The following MYRF variants were observed in gnomAD, a reference collection of about 807,000 sequenced individuals.
MYRF encodes myelin gene regulatory factor.
A neutral mutation model predicts 126.3 loss-of-function variants in MYRF; 16 were observed. The observed-to-expected ratio is 0.13, with a 90% CI of 0.09 to 0.19. The LOEUF is 0.19. Ranked by LOEUF, MYRF falls within the 10% of genes least tolerant of loss-of-function variation. MYRF has a pLI of 1.00. For synonymous variants in MYRF, 608 were observed against 635.3 expected (o/e 0.96, Z 0.65); for missense variants, 1,104 against 1,547.0 (o/e 0.71, Z 4.80).
rs773528951 is a variant in MYRF, at chr11:61,778,360, G to C, written c.1904-20G>C. The C allele has an allele frequency of 6.5e-7, 1 of 1,535,338 alleles. No individual in the cohort carries two copies. The highest frequency in any genetic ancestry group is 1.1e-5 in the South Asian group (1 of 89,520). Reference sequence around the variant, plus strand: ...CTTTACCACCCCCCCACCCATCTTTGGCTTGTCCCCTGCCCCCAGGTGTCA... The same window carrying C: ...CTTTACCACCCCCCCACCCATCTTTCGCTTGTCCCCTGCCCCCAGGTGTCA... On this transcript the variant is annotated intron_variant, in intron 13 of 26. Transcript: ENST00000278836. This position sits in a 1 kb window ranked among gnomAD's most constrained non-coding sequence, Gnocchi z 4.6.
chr11:61,776,977 C>T lies in MYRF; in HGVS notation c.1590+100C>T. 1.9e-6 allele frequency: 2 copies of T among 1,058,442 alleles called. No individual in the cohort carries two copies. The highest frequency in any genetic ancestry group is 1.4e-6 in the Non-Finnish European group (1 of 736,126). The allele number at this position is 1,058,442 out of a possible 1,614,324, so 65.6% of individuals were successfully genotyped here. A position where few individuals can be genotyped will look rare whatever the true frequency, so the allele number is the denominator to read the frequency against. ...GTACTGAGAGTCAGGAGTGGGCATG[C>T]TCATCCTGCTAGGCACTGGCTGTGT... On this transcript the variant is annotated intron_variant, in intron 11 of 26. Coordinates refer to ENST00000278836, the MANE Select transcript of MYRF (RefSeq NM_001127392.3). The surrounding 1 kb of genome is among the most constrained non-coding windows in gnomAD (Gnocchi z 4.3).
At chr11:61,763,164 G>C (rs1022965249) in intron 1 of MYRF, among the ~76,000 whole-genome samples, 3 of 152,200 alleles carry the variant, frequency 2.0e-5, no homozygotes, top group African/African-American at 7.2e-5. Flanking sequence ...TCCAGGTGGG[G>C]TGGGGAAGGC....
Position 61,770,353 on chromosome 11 carries a change from C to T in MYRF, c.568C>T (p.Pro190Ser). The change falls in exon 5 of 27, where the codon CCA becomes TCA. Residue 190 changes from proline (P) to serine (S), a missense_variant. This residue lies in a region of MYRF where 368 missense variants were observed against 403.9 expected (regional missense o/e 0.91). Transcript: ENST00000278836. ...PPPAHLPGPP[P>S]PPPPPPHYPV... is the part of the protein sequence containing the mutation. ...TCCAGCCCACTTGCCAGGCCCCCCGCCACCCCCACCACCCCCACCTCACTA... is the reference window on the plus strand; with the variant it reads ...TCCAGCCCACTTGCCAGGCCCCCCGTCACCCCCACCACCCCCACCTCACTA... 1 of 1,466,894 alleles carries T rather than the reference C, an allele frequency of 6.8e-7. No individual in the cohort carries two copies. The highest frequency in any genetic ancestry group is 9.3e-7 in the Non-Finnish European group (1 of 1,075,920). The allele number at this position is 1,466,894 out of a possible 1,614,324, so 90.9% of individuals were successfully genotyped here.
chr11:61,769,705 C>T (rs1031827501), intron 4 of MYRF, among the ~76,000 whole-genome samples: 6 of 152,156 alleles, frequency 3.9e-5, no homozygotes, highest in African/African-American at 1.4e-4. Flanking sequence ...GCAGAACCAC[C>T]GCGGGAGCAG....
chr11:61,773,349 C>T (rs2066278690), intron 7 of MYRF, among the ~76,000 whole-genome samples: 1 of 152,154 alleles, frequency 6.6e-6, no homozygotes, highest in Non-Finnish European at 1.5e-5. Context: ...GGACACTAAA[C>T]CCAGCAACAG....
At position 61,765,687 on chromosome 11, in the gene MYRF, A is replaced by G. The variant is rs2066035054; in HGVS notation, c.109A>G (p.Ile37Val). 2 of 1,612,748 alleles carry G rather than the reference A, an allele frequency of 1.2e-6. No individual in the cohort carries two copies. Residue 37 changes from isoleucine (I) to valine (V), a missense_variant, in exon 2 of 27, where the codon ATC (isoleucine) becomes GTC (valine). Physicochemically the swap from Ile to Val is conservative, Grantham distance 29. Around this residue, in one of 10 missense-constraint regions of MYRF, gnomAD observed 368 missense variants for 403.9 expected, o/e 0.91. Coordinates refer to ENST00000278836, the MANE Select transcript of MYRF (RefSeq NM_001127392.3). The part of the protein sequence containing the change: ...NIDTSILEEY[I>V]SKEDASDLCF... ...AGACACCAGCATCCTGGAGGAGTAC[A>G]TCAGCAAGGAGGATGCCTCCGACCT...
Position 61,780,259 on chromosome 11 carries a change from C to T in MYRF, c.2374C>T (p.Arg792Cys), listed in dbSNP as rs150031578. 3.8e-5 allele frequency: 61 copies of T among 1,613,706 alleles called. No individual in the cohort carries two copies. Among genetic ancestry groups the T allele is most frequent in the Admixed American group, 8.3e-5 (5 of 59,956 alleles). ...GTCCACACTGTACGTGCTGAGCCTG[C>T]GCACAGAGGAGGACCTGGTAGACAC... is the stretch of plus-strand genomic sequence containing the variant. Reference protein sequence around the residue: ...SMSTLYVLSLRTEEDLVDTDG... With the variant: ...SMSTLYVLSLCTEEDLVDTDG... The change falls in exon 18 of 27, where the codon CGC (arginine) becomes TGC (cysteine). Residue 792 changes from arginine to cysteine, a missense_variant. Around this residue, in one of 10 missense-constraint regions of MYRF, gnomAD observed 323 missense variants for 383.1 expected, o/e 0.84. Coordinates refer to ENST00000278836, the MANE Select transcript of MYRF (RefSeq NM_001127392.3).
intron 8 of MYRF, among the ~76,000 whole-genome samples, chr11:61,774,479 C>T (rs1433182325): frequency 5.3e-5 from 8 of 150,288 alleles, no homozygotes; most frequent in East Asian, 1.9e-4. Context: ...GCTGAGATCA[C>T]GCCACTGCAC....
chr11:61,760,560 C>T (rs550349324), intron 1 of MYRF, among the ~76,000 whole-genome samples: 7 of 152,140 alleles, frequency 4.6e-5, no homozygotes, highest in African/African-American at 7.2e-5. Context: ...GGATGTCCCT[C>T]GGAGGCTCTG....
At chr11:61,756,311 G>A (rs1186368822) in intron 1 of MYRF, among the ~76,000 whole-genome samples, 1 of 152,114 alleles carries the variant, frequency 6.6e-6, no homozygotes, top group Non-Finnish European at 1.5e-5. Context: ...TGGGGTTGAG[G>A]GGGCTACCTG....
intron 16 of MYRF, 109 bp from the exon 17 acceptor site, chr11:61,779,732 CG>C: frequency 8.2e-7 from 1 of 1,224,680 alleles, no homozygotes; most frequent in Non-Finnish European, 1.1e-6. Flanking sequence ...CCTTTGCCCC[CG>C]GGGAAATGGG....
intron 3 of MYRF, chr11:61,766,779 C>G (rs1317381140): frequency 3.0e-6 from 1 of 332,078 alleles, no homozygotes; most frequent in Non-Finnish European, 5.9e-6. Context: ...ACCAAAGGTT[C>G]CAGGCAGCCA....
Position 61,770,441 on chromosome 11 carries a change from T to C in MYRF, c.656T>C (p.Met219Thr). 1 of 1,548,982 alleles carries C rather than the reference T, an allele frequency of 6.5e-7. No homozygotes were observed. Among genetic ancestry groups the C allele is most frequent in the African/African-American group, 1.4e-5 (1 of 72,782 alleles). ...CCCCCGATCCCCCACTACGCTGCCA[T>C]GGGGCAGGGGCTGGTGCCCACTGAT... ...AEPPIPHYAA[M>T]GQGLVPTDLH... The change falls in exon 5 of 27, where the codon ATG becomes ACG. Residue 219 changes from methionine to threonine, a missense_variant. Coordinates refer to ENST00000278836, the MANE Select transcript of MYRF (RefSeq NM_001127392.3).
At chr11:61,763,148 C>T (rs995306812) in intron 1 of MYRF, among the ~76,000 whole-genome samples, 2 of 152,006 alleles carry the variant, frequency 1.3e-5, no homozygotes, top group African/African-American at 4.8e-5. Flanking sequence ...AGGGTGGGGG[C>T]GACGCTCCAG....
chr11:61,781,855 C>T (rs774013959), intron 22 of MYRF, 31 bp downstream of exon 22: 10 of 1,506,150 alleles, frequency 6.6e-6, no homozygotes, highest in African/African-American at 2.8e-5. Flanking sequence ...ACTACCCAGC[C>T]CAGCCTGGCA....
At chr11:61,753,141 TG>T (rs35831401) in intron 1 of MYRF, among the ~76,000 whole-genome samples, 3,908 of 152,104 alleles carry the variant, frequency 0.026, 167 homozygotes, top group African/African-American at 0.088. Context: ...CCCTCTACTT[TG>T]CTTCCCCAGA....
chr11:61,778,012 A>G lies in MYRF; in HGVS notation c.1903+167A>G, dbSNP rs1260177351. On this transcript the variant is annotated intron_variant, in intron 13 of 26. Transcript: ENST00000278836. The surrounding 1 kb of genome is among the most constrained non-coding windows in gnomAD (Gnocchi z 4.6). The stretch of plus-strand genomic sequence containing the variant: ...CGCCCCTCGGACCTTGGAAAATCGC[A>G]CCTCTCCAGGTCCCCGGAACCTCGC... Among the ~76,000 whole-genome samples, 1 of 151,774 alleles carries G rather than the reference A, an allele frequency of 6.6e-6. No homozygotes were observed. Among genetic ancestry groups the G allele is most frequent in the African/African-American group, 2.4e-5 (1 of 41,290 alleles).
intron 1 of MYRF, among the ~76,000 whole-genome samples, chr11:61,759,004 G>A (rs533277701): frequency 5.3e-5 from 8 of 152,352 alleles, no homozygotes; most frequent in African/African-American, 1.7e-4. Context: ...GTGATCATGC[G>A]CATGTCAGTG....
rs1216366419 is a variant in MYRF, at chr11:61,774,177, C to A, written c.1311+15C>A. ...ACGGAGTGAAGGCAAGTTTGGGGCT[C>A]AGCAAGGAAGGGAGGGCAGGAGGGC... On this transcript the variant is annotated intron_variant, in intron 8 of 26. Coordinates refer to ENST00000278836, the MANE Select transcript of MYRF (RefSeq NM_001127392.3). The A allele has an allele frequency of 1.3e-6, 2 of 1,587,766 alleles. No individual in the cohort carries two copies. The highest frequency in any genetic ancestry group is 1.7e-6 in the Non-Finnish European group (2 of 1,162,126).
Sources: gnomAD v4.1 joint callset for allele counts (sites outside exome capture counted in the v4.1 genomes callset) on GRCh38, gnomAD v4.1.1 for gene constraint, gnomAD v4.1.1 regional missense constraint, Gnocchi (gnomAD v3.1) non-coding constraint, MANE v1.5 for transcripts, NCBI Gene and HGNC (gene_info 2026-07-23, HGNC 2026-07-21) for gene names.